Variants in MLLT6 observed in about 807,000 individuals in gnomAD.
MLLT6 encodes the protein protein AF-17.
MLLT6 carries 22 observed loss-of-function variants against 103.0 expected under a neutral mutation model. That is an observed-to-expected ratio of 0.21 (90% CI 0.15 to 0.31). The LOEUF (loss-of-function observed/expected upper bound fraction) is 0.31. MLLT6 is among the 10% of genes least tolerant of loss of function. The pLI, the probability that MLLT6 is intolerant of heterozygous loss-of-function variation, is 1.00. For missense variants in MLLT6, 1,199 were observed against 1,441.7 expected, an observed-to-expected ratio of 0.83 and a Z score of 2.73; for synonymous variants, 606 against 623.5, an observed-to-expected ratio of 0.97 and a Z score of 0.42.
chr17:38,715,673 G>A lies in MLLT6; in HGVS notation c.881G>A (p.Ser294Asn), dbSNP rs778584009. The change falls in exon 9 of 20, where the codon AGC becomes AAC. Residue 294 changes from serine to asparagine, a missense_variant. This residue lies in a region of MLLT6 where 1,034 missense variants were observed against 1,091.5 expected (regional missense o/e 0.95). Coordinates refer to ENST00000621332, the MANE Select transcript of MLLT6 (RefSeq NM_005937.4). Reference sequence around the variant, plus strand: ...GCCAGCACGCAGGAGACCTCTGAGAGCAGCAGGGAGTCAAAGGGGAAAAAG... The same window carrying A: ...GCCAGCACGCAGGAGACCTCTGAGAACAGCAGGGAGTCAAAGGGGAAAAAG... ...HEASTQETSESSRESKGKKSS... is the reference protein window; with the variant it reads ...HEASTQETSENSRESKGKKSS... 15 of 1,614,002 alleles carry A rather than the reference G, an allele frequency of 9.3e-6. No homozygotes were observed. Among genetic ancestry groups the A allele is most frequent in the Admixed American group, 1.7e-5 (1 of 59,990 alleles).
At chr17:38,717,408 T>C in intron 10 of MLLT6, 24 bp from the exon 11 acceptor site, 1 of 1,547,956 alleles carries the variant, frequency 6.5e-7, no homozygotes, top group Non-Finnish European at 8.7e-7. Flanking sequence ...AACCACGTGC[T>C]TCCCTCTGTC....
chr17:38,719,927 G>T lies in MLLT6; in HGVS notation c.2155+32G>T, dbSNP rs371166306. ...AGGGGTGGCGCCGGTCGGGACGCCTGCCCTAGGGCCCTAACAGTCACCTTT... is the reference window on the plus strand; with the variant it reads ...AGGGGTGGCGCCGGTCGGGACGCCTTCCCTAGGGCCCTAACAGTCACCTTT... On this transcript the variant is annotated intron_variant, in intron 14 of 19. Coordinates refer to ENST00000621332, the MANE Select transcript of MLLT6 (RefSeq NM_005937.4). The T allele has an allele frequency of 5.0e-5, 77 of 1,536,594 alleles. 1 individual carries two copies. In the African/African-American group the frequency reaches 9.2e-4, roughly 18 times the overall value.
Position 38,705,428 on chromosome 17 carries a change from G to A in MLLT6, c.-205G>A, listed in dbSNP as rs890136913. On this transcript the variant is annotated 5_prime_UTR_variant, in exon 1 of 20. Coordinates refer to ENST00000621332, the MANE Select transcript of MLLT6 (RefSeq NM_005937.4). ...ATGAGGGCGAGAGCACGGCGGGGGG[G>A]GCGGCCAGACAGAGCGAGCGAGGAG... 2.0e-5 allele frequency: 8 copies of A among 398,810 alleles called. No homozygotes were observed. Among genetic ancestry groups the A allele is most frequent in the Non-Finnish European group, 2.7e-5 (6 of 218,640 alleles). 24.7% of individuals were successfully genotyped at this position (398,810 alleles called of 1,614,324 possible).
rs1906064976 is a variant in MLLT6 at position 38,726,919 on chromosome 17, A to G, written c.*1321A>G. ...GTAGAGTGGGCAATTCTCACCTTCA[A>G]AGAGTCCCCGCCTGCCCAGGCCTTT... On this transcript the variant is annotated 3_prime_UTR_variant, in exon 20 of 20. Coordinates refer to ENST00000621332, the MANE Select transcript of MLLT6 (RefSeq NM_005937.4). 8.6e-6 allele frequency: 2 copies of G among 233,390 alleles called. No individual in the cohort carries two copies. The allele number at this position is 233,390 out of a possible 1,614,324, so 14.5% of individuals were successfully genotyped here. A position where few individuals can be genotyped will look rare whatever the true frequency, so the allele number is the denominator to read the frequency against.
Position 38,724,988 on chromosome 17 carries a change from G to C in MLLT6, c.3240+12G>C, listed in dbSNP as rs1452648641. On this transcript the variant is annotated intron_variant, in intron 19 of 19. Transcript: ENST00000621332. The surrounding 1 kb of genome is among the most constrained non-coding windows in gnomAD (Gnocchi z 5.4). ...GCCCCAAAGGAGGGGTGAGTAAGGG[G>C]CCCGGGGCCTTCCTGCCTCCCCTCT... 3.4e-6 allele frequency: 5 copies of C among 1,491,960 alleles called. No individual in the cohort carries two copies. In the East Asian group the frequency reaches 1.2e-4, roughly 37 times the overall value. 92.4% of individuals were successfully genotyped at this position (1,491,960 alleles called of 1,614,324 possible). A position where few individuals can be genotyped will look rare whatever the true frequency, so the allele number is the denominator to read the frequency against.
At position 38,722,035 on chromosome 17, in the gene MLLT6, G is replaced by C; in HGVS notation, c.2600G>C (p.Gly867Ala). ...CCGCCCCAGCCGCAGAACGGGTTGG[G>C]CCGGGCACCCGGGGCAGCGGGGCTG... ...PLPPQPQNGL[G>A]RAPGAAGLGA... The change falls in exon 17 of 20, where the codon GGC (glycine) becomes GCC (alanine). Residue 867 changes from glycine (G) to alanine (A), a missense_variant. Transcript: ENST00000621332. 7.0e-7 allele frequency: 1 copy of C among 1,431,262 alleles called. No individual in the cohort carries two copies. The highest frequency in any genetic ancestry group is 9.1e-7 in the Non-Finnish European group (1 of 1,095,012). The allele number at this position is 1,431,262 out of a possible 1,614,324, so 88.7% of individuals were successfully genotyped here. A position where few individuals can be genotyped will look rare whatever the true frequency, so the allele number is the denominator to read the frequency against.
Position 38,709,643 on chromosome 17 carries a change from T to A in MLLT6, c.552+68T>A. 1 of 1,276,252 alleles carries A rather than the reference T, an allele frequency of 7.8e-7. No individual in the cohort carries two copies. The highest frequency in any genetic ancestry group is 1.1e-6 in the Non-Finnish European group (1 of 878,998). 79.1% of individuals were successfully genotyped at this position (1,276,252 alleles called of 1,614,324 possible). ...GGTAAGATGGTTAGAGGGCATGGGC[T>A]CTGGGCCAGGCCAGTGCCTGGTGCT... On this transcript the variant is annotated intron_variant, in intron 6 of 19. Coordinates refer to ENST00000621332, the MANE Select transcript of MLLT6 (RefSeq NM_005937.4). The surrounding 1 kb of genome is among the most constrained non-coding windows in gnomAD (Gnocchi z 4.3).
Position 38,724,658 on chromosome 17 carries a change from C to A in MLLT6, c.2922C>A (p.Ile974=). Residue 974 remains isoleucine, a synonymous_variant, in exon 19 of 20, where the codon ATC becomes ATA. Transcript: ENST00000621332. This position sits in a 1 kb window ranked among gnomAD's most constrained non-coding sequence, Gnocchi z 5.4. ...TTGTCTACCAGATGATCCAGCAGAT[C>A]CAGCAGAAACGGGAGCTGCAGCGCC... is the stretch of plus-strand genomic sequence containing the variant. The part of the protein sequence containing the change: ...QTVVYQMIQQ[I]QQKRELQRLQ... The A allele has an allele frequency of 6.2e-7, 1 of 1,610,274 alleles. No homozygotes were observed. Among genetic ancestry groups the A allele is most frequent in the Non-Finnish European group, 8.5e-7 (1 of 1,178,004 alleles).
intron 16 of MLLT6, 85 bp downstream of exon 16, chr17:38,720,832 C>T (rs947370017): frequency 1.1e-5 from 14 of 1,232,070 alleles, no homozygotes; most frequent in Non-Finnish European, 1.5e-5. Flanking sequence ...CTATTGGAGG[C>T]TGGGCAATGA....
Position 38,709,333 on chromosome 17 carries a change from C to A in MLLT6, c.458+57C>A. On this transcript the variant is annotated intron_variant, in intron 5 of 19. Coordinates refer to ENST00000621332, the MANE Select transcript of MLLT6 (RefSeq NM_005937.4). This position sits in a 1 kb window ranked among gnomAD's most constrained non-coding sequence, Gnocchi z 4.3. ...GGGTTTGTCCTGGATGGCCACTGATCAGGCTCATCCTAGCTGCTGTCCCTT... is the reference window on the plus strand; with the variant it reads ...GGGTTTGTCCTGGATGGCCACTGATAAGGCTCATCCTAGCTGCTGTCCCTT... 1 of 1,462,140 alleles carries A rather than the reference C, an allele frequency of 6.8e-7. No homozygotes were observed. Among genetic ancestry groups the A allele is most frequent in the Non-Finnish European group, 9.6e-7 (1 of 1,041,714 alleles). The allele number at this position is 1,462,140 out of a possible 1,614,324, so 90.6% of individuals were successfully genotyped here. A position where few individuals can be genotyped will look rare whatever the true frequency, so the allele number is the denominator to read the frequency against.
intron 19 of MLLT6, 59 bp from the exon 20 acceptor site, chr17:38,725,498 A>T: frequency 6.6e-7 from 1 of 1,508,070 alleles, no homozygotes; most frequent in East Asian, 2.3e-5. Context: ...AGCTGTTCTT[A>T]TCTGGGGGTT....
At position 38,721,876 on chromosome 17, in the gene MLLT6, A is replaced by G; in HGVS notation, c.2443-2A>G. The G allele has an allele frequency of 6.5e-7, 1 of 1,527,508 alleles. No individual in the cohort carries two copies. The highest frequency in any genetic ancestry group is 8.9e-7 in the Non-Finnish European group (1 of 1,129,626). The allele number at this position is 1,527,508 out of a possible 1,614,324, so 94.6% of individuals were successfully genotyped here. On this transcript the variant is annotated splice_acceptor_variant, in intron 16 of 19. Coordinates refer to ENST00000621332, the MANE Select transcript of MLLT6 (RefSeq NM_005937.4). LOFTEE classifies it high-confidence loss of function. ...ACCCCTCCCTTCCCCCTCCCTCCCC[A>G]GGACCCACACTCAGGCTGCCCGAGC...
At chr17:38,715,580 G>T (rs755249238) in intron 8 of MLLT6, 32 bp from the exon 9 acceptor site, 1 of 1,584,858 alleles carries the variant, frequency 6.3e-7, no homozygotes, top group South Asian at 1.2e-5. Context: ...CCAGGCACCT[G>T]GTGTTGAACC....
chr17:38,728,750 ATGGC>A lies in MLLT6; in HGVS notation c.*3167_*3170del, dbSNP rs1008901430. The A allele has an allele frequency of 3.4e-5, 8 of 234,498 alleles. No individual in the cohort carries two copies. Among genetic ancestry groups the A allele is most frequent in the East Asian group, 1.2e-4 (2 of 16,630 alleles). The allele number at this position is 234,498 out of a possible 1,614,324, so 14.5% of individuals were successfully genotyped here. A position where few individuals can be genotyped will look rare whatever the true frequency, so the allele number is the denominator to read the frequency against. On this transcript the variant is annotated 3_prime_UTR_variant, in exon 20 of 20. Coordinates refer to ENST00000621332, the MANE Select transcript of MLLT6 (RefSeq NM_005937.4). ...CCCTGCCCCACAACATGGTCTCCAC[ATGGC>A]TGGCTGGCTGGCTGTCCCTGTGTGT... is the stretch of plus-strand genomic sequence containing the variant.
intron 12 of MLLT6, 29 bp from the exon 13 acceptor site, chr17:38,719,488 C>G: frequency 6.3e-7 from 1 of 1,583,832 alleles, no homozygotes; most frequent in Non-Finnish European, 8.6e-7. Context: ...CACTCCTCCA[C>G]GCTGATCCCA....
rs1456857518 is a variant in MLLT6 at position 38,724,243 on chromosome 17, A to G, written c.2884-377A>G. 1 of 182,170 alleles carries G rather than the reference A, an allele frequency of 5.5e-6. No homozygotes were observed. The highest frequency in any genetic ancestry group is 2.3e-5 in the African/African-American group (1 of 42,662). The allele number at this position is 182,170 out of a possible 1,614,324, so 11.3% of individuals were successfully genotyped here. On this transcript the variant is annotated intron_variant, in intron 18 of 19. Transcript: ENST00000621332. This position sits in a 1 kb window ranked among gnomAD's most constrained non-coding sequence, Gnocchi z 5.4. ...TGTACTCCAGCCTGGGTGACAGAGC[A>G]AGACTCCGTCTCACAAAAAGAAAAG...
intron 3 of MLLT6, 35 bp downstream of exon 3, chr17:38,707,575 C>A (rs778284814): frequency 6.2e-7 from 1 of 1,606,266 alleles, no homozygotes; most frequent in African/African-American, 1.3e-5. Context: ...TCAGCAGGGC[C>A]CCCTGAGCAG....
Position 38,726,740 on chromosome 17 carries a change from G to C in MLLT6, c.*1142G>C. On this transcript the variant is annotated 3_prime_UTR_variant, in exon 20 of 20. Transcript: ENST00000621332. ...CACAAGGGGAGCCCCAGGGCTTGGGGGAGGGCGTAAGGTGGGGGGAAATGC... is the reference window on the plus strand; with the variant it reads ...CACAAGGGGAGCCCCAGGGCTTGGGCGAGGGCGTAAGGTGGGGGGAAATGC... 4.3e-6 allele frequency: 1 copy of C among 233,588 alleles called. No homozygotes were observed. Among genetic ancestry groups the C allele is most frequent in the Non-Finnish European group, 8.5e-6 (1 of 118,052 alleles). 14.5% of individuals were successfully genotyped at this position (233,588 alleles called of 1,614,324 possible). A position where few individuals can be genotyped will look rare whatever the true frequency, so the allele number is the denominator to read the frequency against.
At chr17:38,717,748 C>G in intron 11 of MLLT6, 97 bp from the exon 12 acceptor site, 2 of 1,367,904 alleles carry the variant, frequency 1.5e-6, no homozygotes, top group Non-Finnish European at 2.1e-6. Flanking sequence ...CTGGACCCCT[C>G]TGCTCCCCAG....
Sources: allele counts gnomAD v4.1 joint callset, GRCh38; gene constraint gnomAD v4.1.1; regional missense constraint gnomAD v4.1.1; non-coding constraint Gnocchi (gnomAD v3.1); transcripts MANE v1.5; gene names NCBI Gene and HGNC (gene_info 2026-07-23, HGNC 2026-07-21).